NUFIP1: variants seen among roughly 807,000 people sequenced by gnomAD.
The protein encoded by NUFIP1 is nuclear FMR1 interacting protein 1, also known as FMR1-interacting protein NUFIP1.
Under a neutral mutation model 56.2 loss-of-function variants are expected in NUFIP1, and 38 were observed. The ratio of observed to expected loss-of-function variants is 0.68; its 90% CI spans 0.52 to 0.89. The LOEUF is 0.89. Among genes scored for constraint, NUFIP1 ranks in the 40% least tolerant of loss-of-function variants. The pLI is 0.00. For synonymous variants in NUFIP1, 215 were observed against 212.4 expected, an observed-to-expected ratio of 1.01 and a Z score of -0.10; for missense variants, 567 against 605.8, an observed-to-expected ratio of 0.94 and a Z score of 0.67.
At chr13:44,957,471 C>G (rs1359877111) in intron 7 of NUFIP1, among the ~76,000 whole-genome samples, 1 of 152,190 alleles carries the variant, frequency 6.6e-6, no homozygotes, top group African/African-American at 2.4e-5. Context: ...CTCAGCTTCC[C>G]AAAGTGCTGC....
intron 5 of NUFIP1, among the ~76,000 whole-genome samples, chr13:44,976,645 G>A (rs909601625): frequency 1.3e-5 from 2 of 152,134 alleles, no homozygotes; most frequent in African/African-American, 4.8e-5. Context: ...TTCAGATACC[G>A]TGCTTCAAAA....
In NUFIP1 at chr13:44,989,148, A is replaced by T; in HGVS notation, c.289T>A (p.Ser97Thr). The change falls in exon 1 of 10, where the codon TCT (serine) becomes ACT (threonine). Residue 97 changes from serine (S) to threonine (T), a missense_variant. Coordinates refer to ENST00000379161, the MANE Select transcript of NUFIP1 (RefSeq NM_012345.3). ...PGAQPPFDAQ[S>T]PLDSQPQPSG... ...GGTTGAGGCTGAGAATCAAGGGGAGACTGGGCGTCGAAGGGGGGTTGCGCC... is the reference window on the plus strand; with the variant it reads ...GGTTGAGGCTGAGAATCAAGGGGAGTCTGGGCGTCGAAGGGGGGTTGCGCC... 1 of 1,613,926 alleles carries T rather than the reference A, an allele frequency of 6.2e-7. No individual in the cohort carries two copies. Among genetic ancestry groups the T allele is most frequent in the Non-Finnish European group, 8.5e-7 (1 of 1,179,944 alleles).
At chr13:44,951,671 T>A (rs1871087565) in intron 7 of NUFIP1, among the ~76,000 whole-genome samples, 5 of 152,222 alleles carry the variant, frequency 3.3e-5, no homozygotes, top group Non-Finnish European at 7.3e-5. Context: ...TAGATTTGGT[T>A]CCAGACCACT....
At position 44,965,853 on chromosome 13, in the gene NUFIP1, GT is replaced by G; in HGVS notation, c.817del (p.Thr273HisfsTer6). 1 of 1,588,180 alleles carries G rather than the reference GT, an allele frequency of 6.3e-7. No homozygotes were observed. The highest frequency in any genetic ancestry group is 8.6e-7 in the Non-Finnish European group (1 of 1,168,074). On this transcript the variant is annotated frameshift_variant, in exon 6 of 10. Coordinates refer to ENST00000379161, the MANE Select transcript of NUFIP1 (RefSeq NM_012345.3). LOFTEE classifies it high-confidence loss of function. Reference sequence around the variant, plus strand: ...AGCATAAGGAGCTTACCCATATTGTGTTGTTGTCAATACTGCTCCTCTCTTC... The same window carrying G: ...AGCATAAGGAGCTTACCCATATTGTGTGTTGTCAATACTGCTCCTCTCTTC... ...KEKRGAVLTT[T>X]QYGKMKGMSR...
intron 5 of NUFIP1, among the ~76,000 whole-genome samples, chr13:44,975,127 T>C (rs1227739578): frequency 6.6e-6 from 1 of 152,192 alleles, no homozygotes; most frequent in Non-Finnish European, 1.5e-5. Context: ...AGCAGGCTTG[T>C]TGGATTTTAT....
chr13:44,983,134 G>A (rs780016689), intron 1 of NUFIP1, among the ~76,000 whole-genome samples: 5 of 152,044 alleles, frequency 3.3e-5, no homozygotes, highest in South Asian at 4.1e-4. Flanking sequence ...GACTGCAAGC[G>A]TGAGCCACCA....
At chr13:44,943,858 A>G (rs1487834937) in intron 8 of NUFIP1, among the ~76,000 whole-genome samples, 184 bp from the exon 9 acceptor site, 1 of 152,204 alleles carries the variant, frequency 6.6e-6, no homozygotes, top group Non-Finnish European at 1.5e-5. Flanking sequence ...TCAAATTGGA[A>G]GCTGTAACTA....
At chr13:44,943,365 CA>C in intron 9 of NUFIP1, 76 bp downstream of exon 9, 1 of 1,227,216 alleles carries the variant, frequency 8.1e-7, no homozygotes, top group Non-Finnish European at 1.2e-6. Context: ...CACACACACA[CA>C]CACACACACA....
chr13:44,942,844 T>C (rs1043242661), intron 9 of NUFIP1, among the ~76,000 whole-genome samples: 8 of 151,942 alleles, frequency 5.3e-5, no homozygotes, highest in African/African-American at 1.9e-4. Flanking sequence ...TGCATGCCCA[T>C]AGTCCCAGCT....
At chr13:44,952,854 T>C (rs139838545) in intron 7 of NUFIP1, among the ~76,000 whole-genome samples, 37 of 152,368 alleles carry the variant, frequency 2.4e-4, no homozygotes, top group Admixed American at 9.1e-4. Context: ...TTAATCTTCT[T>C]TAAATCTGTG....
intron 5 of NUFIP1, among the ~76,000 whole-genome samples, chr13:44,978,193 C>A (rs996417774): frequency 2.6e-5 from 4 of 152,186 alleles, no homozygotes; most frequent in Non-Finnish European, 5.9e-5. Flanking sequence ...CTCAGAATTA[C>A]CTCTAAAGCC....
At chr13:44,986,691 C>CAA (rs1190227669) in intron 1 of NUFIP1, among the ~76,000 whole-genome samples, 11 of 54,010 alleles carry the variant, frequency 2.0e-4, no homozygotes, top group East Asian at 5.0e-4. Context: ...GACTCCATCT[C>CAA]AAAAAAAAAA....
intron 5 of NUFIP1, among the ~76,000 whole-genome samples, chr13:44,967,959 CTT>C (rs35249686): frequency 0.93 from 141,585 of 151,818 alleles, 66,100 homozygotes; most frequent in East Asian, 1. Flanking sequence ...TACCTTCTGC[CTT>C]TTTTTTTTTA....
At chr13:44,962,242 A>G (rs1224068592) in intron 6 of NUFIP1, among the ~76,000 whole-genome samples, 1 of 152,258 alleles carries the variant, frequency 6.6e-6, no homozygotes, top group Admixed American at 6.5e-5. Context: ...TACATAATAT[A>G]TAAGAGATAC....
chr13:44,979,978 A>AAT (rs1375062888), intron 3 of NUFIP1, 26 bp from the exon 4 acceptor site: 1 of 1,543,840 alleles, frequency 6.5e-7, no homozygotes, highest in Non-Finnish European at 8.8e-7. Flanking sequence ...AGAAAAAAAA[A>AAT]ACTATTTAAC....
intron 1 of NUFIP1, among the ~76,000 whole-genome samples, chr13:44,983,231 A>G (rs555513403): frequency 1.3e-5 from 2 of 152,168 alleles, no homozygotes; most frequent in East Asian, 1.9e-4. Flanking sequence ...CCTAGAGTGC[A>G]GTGGCACAAT....
chr13:44,968,324 C>T (rs1204691560), intron 5 of NUFIP1, among the ~76,000 whole-genome samples: 1 of 151,298 alleles, frequency 6.6e-6, no homozygotes. Flanking sequence ...TGAAATCTTC[C>T]TCCAGGATAC....
chr13:44,981,791 G>A (rs538533749), intron 2 of NUFIP1, among the ~76,000 whole-genome samples: 5 of 151,946 alleles, frequency 3.3e-5, no homozygotes, highest in South Asian at 2.1e-4. Flanking sequence ...CAGCCTGGGC[G>A]ACAGAGTGAA....
intron 8 of NUFIP1, among the ~76,000 whole-genome samples, chr13:44,945,672 C>CA (rs1870882393): frequency 6.6e-6 from 1 of 151,992 alleles, no homozygotes; most frequent in African/African-American, 2.4e-5. Context: ...ATTTGAAAAT[C>CA]AATTGACATT....
Sources: gnomAD v4.1 joint callset for allele counts (sites outside exome capture counted in the v4.1 genomes callset) on GRCh38, gnomAD v4.1.1 for gene constraint, MANE v1.5 for transcripts, NCBI Gene and HGNC (gene_info 2026-07-23, HGNC 2026-07-21) for gene names.